Variants in NDUFB10 observed in about 807,000 individuals in gnomAD.
NDUFB10 encodes the protein NADH:ubiquinone oxidoreductase subunit B10.
In NDUFB10, 23 loss-of-function variants were observed where a neutral mutation model predicts 19.0. The ratio of observed to expected loss-of-function variants is 1.21; its 90% CI spans 0.87 to 1.71. NDUFB10 has a LOEUF of 1.71. Among genes scored for constraint, NDUFB10 ranks in the 40% most tolerant of loss-of-function variants. The pLI, the probability that NDUFB10 is intolerant of heterozygous loss-of-function variation, is 0.00. For missense variants in NDUFB10, 312 were observed against 230.6 expected, an observed-to-expected ratio of 1.35 and a Z score of -2.29; for synonymous variants, 104 against 81.8, an observed-to-expected ratio of 1.27 and a Z score of -1.46.
Position 1,959,691 on chromosome 16 carries a change from C to T in NDUFB10, c.67C>T (p.Pro23Ser). Residue 23 changes from proline to serine, a missense_variant, in exon 1 of 4, where the codon CCC becomes TCC. Coordinates refer to ENST00000268668, the MANE Select transcript of NDUFB10 (RefSeq NM_004548.3). ...PPRRTPVQPN[P>S]IVYMMKAFDL... ...GCGCCGCACGCCGGTGCAGCCCAAT[C>T]CCATCGTCTACATGATGAAAGCGTT... is the stretch of plus-strand genomic sequence containing the variant. 1 of 1,613,382 alleles carries T rather than the reference C, an allele frequency of 6.2e-7. No individual in the cohort carries two copies. The highest frequency in any genetic ancestry group is 1.1e-5 in the South Asian group (1 of 91,082).
chr16:1,961,828 G>C lies in NDUFB10; in HGVS notation c.441G>C (p.Arg147Ser), dbSNP rs2083258720. ...YQDLGAYSSA[R>S]KCLAKQRQRM... ...ACCTGGGGGCCTACAGTTCTGCCAG[G>C]AAGTGCCTGGCCAAACAGAGGCAGA... The change falls in exon 4 of 4, where the codon AGG becomes AGC. Residue 147 changes from arginine (R) to serine (S), a missense_variant. Coordinates refer to ENST00000268668, the MANE Select transcript of NDUFB10 (RefSeq NM_004548.3). 1 of 1,561,072 alleles carries C rather than the reference G, an allele frequency of 6.4e-7. No homozygotes were observed. The highest frequency in any genetic ancestry group is 2.4e-5 in the East Asian group (1 of 42,230).
At chr16:1,961,766 G>T (rs202033778) in intron 3 of NDUFB10, 31 bp from the exon 4 acceptor site, 1 of 1,546,140 alleles carries the variant, frequency 6.5e-7, no homozygotes, top group Non-Finnish European at 8.8e-7. Flanking sequence ...CAGAGGCCTC[G>T]GTTCCCAGCT....
In NDUFB10 at chr16:1,961,859, C is replaced by T; in HGVS notation, c.472C>T (p.Leu158=). 1.3e-6 allele frequency: 2 copies of T among 1,565,890 alleles called. No homozygotes were observed. Among genetic ancestry groups the T allele is most frequent in the East Asian group, 2.3e-5 (1 of 42,582 alleles). Residue 158 remains leucine (L), a synonymous_variant, in exon 4 of 4, where the codon CTG becomes TTG. Coordinates refer to ENST00000268668, the MANE Select transcript of NDUFB10 (RefSeq NM_004548.3). The part of the protein sequence containing the change: ...KCLAKQRQRM[L]QERKAAKEAA... ...CCTGGCCAAACAGAGGCAGAGGATG[C>T]TGCAAGAGAGAAAAGCTGCAAAAGA...
Position 1,961,643 on chromosome 16 carries a change from G to GGGGCCCCCCCCCCCCCCCCCCCCC in NDUFB10, c.409+7_409+8insGGGCCCCCCCCCCCCCCCCCCCCC. On this transcript the variant is annotated splice_region_variant and intron_variant, in intron 3 of 3. Coordinates refer to ENST00000268668, the MANE Select transcript of NDUFB10 (RefSeq NM_004548.3). Reference sequence around the variant, plus strand: ...AAGGCCTACCAGGACCGCTGTGCGTGCCCCACCCACCCCCAACCCCCCACC... The same window carrying GGGGCCCCCCCCCCCCCCCCCCCCC: ...AAGGCCTACCAGGACCGCTGTGCGTGGGGCCCCCCCCCCCCCCCCCCCCCCCCCACCCACCCCCAACCCCCCACC... 1.3e-6 allele frequency: 2 copies of GGGGCCCCCCCCCCCCCCCCCCCCC among 1,547,140 alleles called. No homozygotes were observed. Among genetic ancestry groups the GGGGCCCCCCCCCCCCCCCCCCCCC allele is most frequent in the Non-Finnish European group, 1.8e-6 (2 of 1,141,002 alleles).
rs191861939 is a variant in NDUFB10, at chr16:1,959,582, C to A, written c.-43C>A. On this transcript the variant is annotated 5_prime_UTR_variant, in exon 1 of 4. Coordinates refer to ENST00000268668, the MANE Select transcript of NDUFB10 (RefSeq NM_004548.3). ...GCGGGACCCGGACGGAGGTAGAGGC[C>A]AGGGCAGCGCGTCCGGGAGCGGAGT... 1.3e-6 allele frequency: 2 copies of A among 1,578,750 alleles called. No individual in the cohort carries two copies. The highest frequency in any genetic ancestry group is 1.8e-5 in the Admixed American group (1 of 54,280).
rs760026841 is a variant in NDUFB10, at chr16:1,961,796, G to C, written c.410-1G>C. ...CCAGCTTGTTTCCATTGCTTCCCCA[G>C]ATCAGGACCTGGGGGCCTACAGTTC... On this transcript the variant is annotated splice_acceptor_variant, in intron 3 of 3. Transcript: ENST00000268668. LOFTEE classifies it high-confidence loss of function. 4 of 1,553,152 alleles carry C rather than the reference G, an allele frequency of 2.6e-6. No homozygotes were observed. Among genetic ancestry groups the C allele is most frequent in the East Asian group, 2.4e-5 (1 of 41,304 alleles).
At chr16:1,961,419 C>A (rs767419091) in intron 2 of NDUFB10, 78 bp from the exon 3 acceptor site, 7 of 1,595,410 alleles carry the variant, frequency 4.4e-6, no homozygotes, top group South Asian at 1.1e-5. Flanking sequence ...CCCCAGGGCT[C>A]TTGCTTTCAA....
intron 1 of NDUFB10, 84 bp downstream of exon 1, chr16:1,959,838 C>T: frequency 6.4e-7 from 1 of 1,559,378 alleles, no homozygotes; most frequent in Non-Finnish European, 8.7e-7. Context: ...CCAATGCCTC[C>T]GGGGTCCCGT....
At position 1,961,885 on chromosome 16, in the gene NDUFB10, G is replaced by A. The variant is rs747732434; in HGVS notation, c.498G>A (p.Glu166=). Residue 166 remains glutamate (E), a synonymous_variant, in exon 4 of 4, where the codon GAG becomes GAA. Transcript: ENST00000268668. ...RMLQERKAAK[E]AAAATS is the part of the protein sequence containing the mutation. ...TGCAAGAGAGAAAAGCTGCAAAAGA[G>A]GCCGCCGCTGCCACCTCCTGAGGCA... 2 of 1,562,206 alleles carry A rather than the reference G, an allele frequency of 1.3e-6. No homozygotes were observed. The highest frequency in any genetic ancestry group is 1.7e-6 in the Non-Finnish European group (2 of 1,152,838).
chr16:1,961,690 C>T (rs994861770), intron 3 of NDUFB10, 54 bp downstream of exon 3: 2 of 1,184,980 alleles, frequency 1.7e-6, no homozygotes, highest in Non-Finnish European at 2.3e-6. Flanking sequence ...GCCTGGGGGC[C>T]AGAACCATTG....
intron 1 of NDUFB10, among the ~76,000 whole-genome samples, 158 bp downstream of exon 1, chr16:1,959,912 T>C (rs1378425908): frequency 4.0e-5 from 6 of 151,600 alleles, no homozygotes; most frequent in Non-Finnish European, 8.8e-5. Context: ...ACCTCCGAGC[T>C]CCGTCGCCTC....
chr16:1,961,116 C>T (rs748025466), intron 1 of NDUFB10, 37 bp from the exon 2 acceptor site: 38 of 1,609,996 alleles, frequency 2.4e-5, no homozygotes, highest in South Asian at 5.5e-5. Context: ...CTGTCCAAAC[C>T]GATGAGGCAT....
chr16:1,961,197 C>T lies in NDUFB10; in HGVS notation c.175C>T (p.His59Tyr). The T allele has an allele frequency of 6.2e-7, 1 of 1,614,134 alleles. No individual in the cohort carries two copies. Among genetic ancestry groups the T allele is most frequent in the Non-Finnish European group, 8.5e-7 (1 of 1,180,026 alleles). The change falls in exon 2 of 4, where the codon CAC becomes TAC. Residue 59 changes from histidine (H) to tyrosine (Y), a missense_variant. Transcript: ENST00000268668. ...QHAKNRYYYY[H>Y]RQYRRVPDIT... ...CGCAAAGAACAGGTATTACTACTAC[C>T]ACCGGCAGTACCGCCGCGTGCCAGA... is the stretch of plus-strand genomic sequence containing the variant.
Position 1,961,480 on chromosome 16 carries a change from C to A in NDUFB10, c.270-17C>A, listed in dbSNP as rs773330359. The A allele has an allele frequency of 1.9e-6, 3 of 1,613,516 alleles. No individual in the cohort carries two copies. The South Asian group carries it at 3.3e-5, about 18-fold the overall frequency. On this transcript the variant is annotated splice_polypyrimidine_tract_variant and intron_variant, in intron 2 of 3. Coordinates refer to ENST00000268668, the MANE Select transcript of NDUFB10 (RefSeq NM_004548.3). ...GATTCCTTGTGATTAGCCTCTCTTG[C>A]TCCTTTTCTCCACCAGCAAAGTCGA...
chr16:1,960,289 G>A (rs1194843805), intron 1 of NDUFB10, among the ~76,000 whole-genome samples: 1 of 151,308 alleles, frequency 6.6e-6, no homozygotes, highest in Non-Finnish European at 1.5e-5. Context: ...GCGCGATCTC[G>A]GCTCACTGCA....
rs2083239739 is a variant in NDUFB10 at position 1,959,585 on chromosome 16, G to A, written c.-40G>A. ...GGACCCGGACGGAGGTAGAGGCCAG[G>A]GCAGCGCGTCCGGGAGCGGAGTCCG... On this transcript the variant is annotated 5_prime_UTR_variant, in exon 1 of 4. Coordinates refer to ENST00000268668, the MANE Select transcript of NDUFB10 (RefSeq NM_004548.3). The A allele has an allele frequency of 1.3e-6, 2 of 1,581,908 alleles. No individual in the cohort carries two copies. The highest frequency in any genetic ancestry group is 1.8e-5 in the Admixed American group (1 of 54,740).
At chr16:1,961,032 T>C in intron 1 of NDUFB10, 121 bp from the exon 2 acceptor site, 2 of 1,267,778 alleles carry the variant, frequency 1.6e-6, no homozygotes, top group East Asian at 2.4e-5. Flanking sequence ...TGCTGTTTTC[T>C]AAACGCTGGA....
chr16:1,961,189 A>G lies in NDUFB10; in HGVS notation c.167A>G (p.Tyr56Cys). Residue 56 changes from tyrosine to cysteine, a missense_variant, in exon 2 of 4, where the codon TAC becomes TGC. Coordinates refer to ENST00000268668, the MANE Select transcript of NDUFB10 (RefSeq NM_004548.3). ...IERQHAKNRY[Y>C]YYHRQYRRVP... ...CGGCAGCACGCAAAGAACAGGTATT[A>G]CTACTACCACCGGCAGTACCGCCGC... 1.2e-6 allele frequency: 2 copies of G among 1,614,066 alleles called. No homozygotes were observed. Among genetic ancestry groups the G allele is most frequent in the Non-Finnish European group, 1.7e-6 (2 of 1,179,986 alleles).
intron 1 of NDUFB10, 43 bp downstream of exon 1, chr16:1,959,797 A>AC (rs1344301528): frequency 6.2e-7 from 1 of 1,606,066 alleles, no homozygotes; most frequent in Non-Finnish European, 8.5e-7. Flanking sequence ...GCCTCTGGGG[A>AC]CCCCTGGATC....
Sources: allele counts gnomAD v4.1 joint callset (sites outside exome capture counted in the v4.1 genomes callset), GRCh38; gene constraint gnomAD v4.1.1; transcripts MANE v1.5; gene names NCBI Gene and HGNC (gene_info 2026-07-23, HGNC 2026-07-21).